The following HECW1 variants were observed in gnomAD, a reference collection of about 807,000 sequenced individuals.
HECW1 encodes the protein HECT, C2 and WW domain containing E3 ubiquitin protein ligase 1.
Under a neutral mutation model 182.3 loss-of-function variants are expected in HECW1, and 61 were observed. That is an observed-to-expected ratio of 0.33 (90% CI 0.27 to 0.41). The LOEUF (loss-of-function observed/expected upper bound fraction) is 0.41. Among genes scored for constraint, HECW1 ranks in the 10% least tolerant of loss-of-function variants. HECW1 has a pLI of 1.00. For synonymous variants in HECW1, 859 were observed against 832.6 expected (o/e 1.03, Z -0.55); for missense variants, 1,739 against 2,108.9 (o/e 0.82, Z 3.44).
chr7:43,204,431 C>T (rs1795281085), intron 2 of HECW1, among the ~76,000 whole-genome samples: 1 of 152,156 alleles, frequency 6.6e-6, no homozygotes, highest in South Asian at 2.1e-4. Flanking sequence ...ATGCAACTCA[C>T]TATCAGAGTG....
intron 24 of HECW1, among the ~76,000 whole-genome samples, chr7:43,518,704 A>T (rs1284424438): frequency 6.6e-6 from 1 of 152,240 alleles, no homozygotes; most frequent in Non-Finnish European, 1.5e-5. Flanking sequence ...CTGGTAAAGA[A>T]TATGAAAAAG....
At chr7:43,556,828 T>G (rs1373759340) in intron 29 of HECW1, among the ~76,000 whole-genome samples, 1 of 152,170 alleles carries the variant, frequency 6.6e-6, no homozygotes, top group Admixed American at 6.5e-5. Context: ...TTGGAAGCTT[T>G]GAAATACACA....
chr7:43,501,206 T>TTAAA lies in HECW1; in HGVS notation c.3522-7_3522-6insTAAA. 2 of 899,276 alleles carry TTAAA rather than the reference T, an allele frequency of 2.2e-6. No homozygotes were observed. Among genetic ancestry groups the TTAAA allele is most frequent in the Non-Finnish European group, 3.5e-6 (2 of 570,096 alleles). 55.7% of individuals were successfully genotyped at this position (899,276 alleles called of 1,614,324 possible). A position where few individuals can be genotyped will look rare whatever the true frequency, so the allele number is the denominator to read the frequency against. On this transcript the variant is annotated splice_polypyrimidine_tract_variant and splice_region_variant and intron_variant, in intron 20 of 29. Coordinates refer to ENST00000395891, the MANE Select transcript of HECW1 (RefSeq NM_015052.5). ...TTCTTTTTTTTTTTTTTTTTTTTCA[T>TTAAA]ATGCAGTCTCTTTGAAGAAGAGATT... is the stretch of plus-strand genomic sequence containing the variant.
At chr7:43,194,848 C>T (rs1049615175) in intron 2 of HECW1, among the ~76,000 whole-genome samples, 1 of 152,138 alleles carries the variant, frequency 6.6e-6, no homozygotes, top group African/African-American at 2.4e-5. Flanking sequence ...CGCCTGCCCC[C>T]ACACCTGGCT....
intron 1 of HECW1, 79 bp from the exon 2 acceptor site, chr7:43,114,078 C>T: frequency 2.3e-6 from 1 of 436,950 alleles, no homozygotes; most frequent in Non-Finnish European, 4.1e-6. Flanking sequence ...TTTGACGTTG[C>T]TGTAGTTTTG....
chr7:43,316,994 C>T lies in HECW1; in HGVS notation c.353-3641C>T, dbSNP rs1809398644. 1.3e-5 allele frequency among the ~76,000 whole-genome samples: 2 copies of T among 151,486 alleles called. 1 individual carries two copies. Among genetic ancestry groups the T allele is most frequent in the South Asian group, 4.2e-4 (2 of 4,780 alleles). On this transcript the variant is annotated intron_variant, in intron 4 of 29. Transcript: ENST00000395891. ...AATATGTGAAATGTGGGGAAGCTTACATCTACCATTACTATGTGATCTTAG... is the reference window on the plus strand; with the variant it reads ...AATATGTGAAATGTGGGGAAGCTTATATCTACCATTACTATGTGATCTTAG...
chr7:43,113,163 G>T (rs1433890740), intron 1 of HECW1, among the ~76,000 whole-genome samples: 1 of 152,148 alleles, frequency 6.6e-6, no homozygotes, highest in South Asian at 2.1e-4. Flanking sequence ...CCCGGCTTGG[G>T]TACTGCAGGC....
intron 3 of HECW1, among the ~76,000 whole-genome samples, chr7:43,301,501 C>A (rs1324771411): frequency 6.6e-6 from 1 of 152,214 alleles, no homozygotes; most frequent in African/African-American, 2.4e-5. Context: ...TAAGTCCTCT[C>A]TGTATCCATA....
intron 2 of HECW1, among the ~76,000 whole-genome samples, chr7:43,142,882 C>T (rs972986691): frequency 1.3e-5 from 2 of 152,050 alleles, no homozygotes; most frequent in Admixed American, 6.5e-5. Flanking sequence ...TCTGTAAAAT[C>T]GACAGGTCCC....
intron 8 of HECW1, among the ~76,000 whole-genome samples, chr7:43,436,452 G>A (rs2076716883): frequency 6.6e-6 from 1 of 152,234 alleles, no homozygotes. Flanking sequence ...GGCAGGCTGA[G>A]TCCGAAAAGG....
At chr7:43,468,806 A>G in intron 15 of HECW1, 114 bp from the exon 16 acceptor site, 1 of 925,592 alleles carries the variant, frequency 1.1e-6, no homozygotes, top group Non-Finnish European at 1.6e-6. Context: ...TCACACTCAC[A>G]ATAAACTGCT....
intron 3 of HECW1, among the ~76,000 whole-genome samples, chr7:43,307,749 G>A (rs181572222): frequency 1.1e-4 from 16 of 151,640 alleles, no homozygotes; most frequent in Non-Finnish European, 2.1e-4. Context: ...CACCTGCTGT[G>A]TTCAAGAAGC....
At position 43,309,090 on chromosome 7, in the gene HECW1, T is replaced by G. The variant is rs143288833; in HGVS notation, c.28-2673T>G. The stretch of plus-strand genomic sequence containing the variant: ...AAACTTCACAGTGTAGGAGTGAACA[T>G]GGACAGATCAACTAGCAACAGTACC... On this transcript the variant is annotated intron_variant, in intron 3 of 29. Coordinates refer to ENST00000395891, the MANE Select transcript of HECW1 (RefSeq NM_015052.5). Among the ~76,000 whole-genome samples the G allele has an allele frequency of 3.7e-4, 56 of 152,230 alleles. 1 individual carries two copies. In the East Asian group the frequency reaches 0.01, roughly 28 times the overall value.
intron 27 of HECW1, 134 bp from the exon 28 acceptor site, chr7:43,552,087 TA>T: frequency 1.6e-6 from 1 of 640,078 alleles, no homozygotes; most frequent in Admixed American, 2.6e-5. Flanking sequence ...ATTTTCAAGT[TA>T]AAAATGATTA....
At chr7:43,251,370 C>T (rs1188478854) in intron 3 of HECW1, among the ~76,000 whole-genome samples, 1 of 152,094 alleles carries the variant, frequency 6.6e-6, no homozygotes, top group African/African-American at 2.4e-5. Context: ...AGTGCGATAG[C>T]GCGGCCTTGG....
At chr7:43,193,674 A>T (rs111825133) in intron 2 of HECW1, among the ~76,000 whole-genome samples, 5 of 151,566 alleles carry the variant, frequency 3.3e-5, no homozygotes, top group African/African-American at 1.2e-4. Context: ...GAGCCACCAC[A>T]CCCGGCCACT....
intron 3 of HECW1, among the ~76,000 whole-genome samples, chr7:43,277,723 C>G (rs1803338845): frequency 6.6e-6 from 1 of 152,166 alleles, no homozygotes; most frequent in African/African-American, 2.4e-5. Context: ...GAACTTCTTC[C>G]AAGAAGCATC....
intron 24 of HECW1, chr7:43,512,042 G>C (rs1267719692): frequency 9.2e-6 from 2 of 216,798 alleles, no homozygotes; most frequent in Non-Finnish European, 1.9e-5. Context: ...CCCACAGCGT[G>C]GGCGTAGCTG....
chr7:43,232,612 A>T (rs537821015), intron 2 of HECW1, among the ~76,000 whole-genome samples: 28 of 152,196 alleles, frequency 1.8e-4, no homozygotes, highest in Non-Finnish European at 4.0e-4. Flanking sequence ...CTAGAACTGA[A>T]CATGATGTTC....
Sources: allele counts gnomAD v4.1 joint callset (sites outside exome capture counted in the v4.1 genomes callset), GRCh38; gene constraint gnomAD v4.1.1; transcripts MANE v1.5; gene names NCBI Gene and HGNC (gene_info 2026-07-23, HGNC 2026-07-21).